Variants in CLVS1 observed in about 807,000 individuals in gnomAD.
The protein encoded by CLVS1 is clavesin-1.
In CLVS1, 10 loss-of-function variants were observed where a neutral mutation model predicts 33.1. The observed-to-expected ratio is 0.30, with a 90% CI of 0.19 to 0.51. CLVS1 has a LOEUF of 0.51. Among genes scored for constraint, CLVS1 ranks in the 20% least tolerant of loss-of-function variants. The probability of loss-of-function intolerance (pLI) is 0.97; values close to 1 mark genes in which losing one functional copy is unlikely to be tolerated. For synonymous variants in CLVS1, 163 were observed against 166.1 expected (o/e 0.98, Z 0.14); for missense variants, 343 against 433.4 (o/e 0.79, Z 1.85).
intron 2 of CLVS1, among the ~76,000 whole-genome samples, chr8:61,340,014 A>G (rs201954373): frequency 6.7e-6 from 1 of 150,286 alleles, no homozygotes; most frequent in South Asian, 2.1e-4. Context: ...AAGGAAGAAA[A>G]AGAAAGAAAG....
chr8:60,998,064 T>C, the CLVS1 span, among the ~76,000 whole-genome samples: 15 of 152,106 alleles, frequency 9.9e-5, no homozygotes, highest in Non-Finnish European at 2.2e-4. Flanking sequence ...GAGTTTGTGA[T>C]TTGCCCGTTG....
At chr8:61,236,028 G>T (rs1016113555) in intron 2 of CLVS1, among the ~76,000 whole-genome samples, 3 of 152,154 alleles carry the variant, frequency 2.0e-5, no homozygotes, top group South Asian at 2.1e-4. Context: ...TGCTGTGAGG[G>T]TCCTTTGTGA....
At chr8:61,315,990 G>C (rs1241216010) in intron 2 of CLVS1, among the ~76,000 whole-genome samples, 1 of 151,954 alleles carries the variant, frequency 6.6e-6, no homozygotes, top group Non-Finnish European at 1.5e-5. Flanking sequence ...TTGGTTTTCT[G>C]TTCCTATGTT....
chr8:60,971,445 G>GT, the CLVS1 span, among the ~76,000 whole-genome samples: 1 of 152,082 alleles, frequency 6.6e-6, no homozygotes, highest in South Asian at 2.1e-4. Context: ...CCACATCTTT[G>GT]TCCCCAAGGA....
intron 2 of CLVS1, among the ~76,000 whole-genome samples, chr8:61,174,883 G>C (rs1807084087): frequency 6.6e-6 from 1 of 152,136 alleles, no homozygotes; most frequent in Non-Finnish European, 1.5e-5. Flanking sequence ...ATTCTATAAG[G>C]GTAGAGTTTT....
Position 61,436,868 on chromosome 8 carries a change from G to A in CLVS1, c.631-17273G>A, listed in dbSNP as rs144199574. 7.2e-4 allele frequency among the ~76,000 whole-genome samples: 109 copies of A among 152,232 alleles called. 1 individual carries two copies. Among genetic ancestry groups the A allele is most frequent in the African/African-American group, 2.5e-3 (104 of 41,548 alleles). ...AATAGATAGATTAATAGGAGAAAAG[G>A]CATACAAATTTACTAACATGCATAA... On this transcript the variant is annotated intron_variant, in intron 3 of 5. Coordinates refer to ENST00000325897, the MANE Select transcript of CLVS1 (RefSeq NM_173519.3).
At chr8:61,159,792 G>A (rs1380796964) in intron 2 of CLVS1, among the ~76,000 whole-genome samples, 1 of 152,198 alleles carries the variant, frequency 6.6e-6, no homozygotes, top group Admixed American at 6.5e-5. Flanking sequence ...GCTTTGTCAT[G>A]TGTGTAACAG....
At chr8:61,453,684 C>T (rs887129822) in intron 3 of CLVS1, among the ~76,000 whole-genome samples, 4 of 152,154 alleles carry the variant, frequency 2.6e-5, no homozygotes, top group African/African-American at 9.7e-5. Flanking sequence ...CCAGCACTCA[C>T]TCACCCAGAA....
chr8:61,231,134 A>G (rs1284863744), intron 2 of CLVS1, among the ~76,000 whole-genome samples: 1 of 152,160 alleles, frequency 6.6e-6, no homozygotes, highest in Non-Finnish European at 1.5e-5. Context: ...CGACTCAGGG[A>G]GGCTGACTAT....
intron 2 of CLVS1, among the ~76,000 whole-genome samples, chr8:61,182,512 G>T (rs1807258843): frequency 6.6e-6 from 1 of 152,108 alleles, no homozygotes; most frequent in African/African-American, 2.4e-5. Context: ...CCATCCAAAA[G>T]TGGGCAAAGA....
At chr8:61,217,496 A>G (rs1808114149) in intron 2 of CLVS1, among the ~76,000 whole-genome samples, 1 of 152,198 alleles carries the variant, frequency 6.6e-6, no homozygotes, top group African/African-American at 2.4e-5. Context: ...AATATTGAAT[A>G]TATTAACCTC....
intron 2 of CLVS1, among the ~76,000 whole-genome samples, chr8:61,241,168 G>A (rs930891916): frequency 6.6e-6 from 1 of 151,954 alleles, no homozygotes; most frequent in African/African-American, 2.4e-5. Context: ...GCATTTTGGA[G>A]GTATACAAAC....
At chr8:61,316,480 GGGGAGGCAAATATCCTATT>G (rs1205407432) in intron 2 of CLVS1, among the ~76,000 whole-genome samples, 1 of 152,142 alleles carries the variant, frequency 6.6e-6, no homozygotes, top group Non-Finnish European at 1.5e-5. Flanking sequence ...GTGGCATACT[GGGGAGGCAAATATCCTATT>G]GGGATAGTAT....
At chr8:61,133,360 G>C (rs1806136379) in intron 2 of CLVS1, among the ~76,000 whole-genome samples, 1 of 152,128 alleles carries the variant, frequency 6.6e-6, no homozygotes, top group African/African-American at 2.4e-5. Context: ...TTGAAGAGTG[G>C]GTATAGAGTA....
rs559187080 is a variant in CLVS1, at chr8:61,348,841, A to G, written c.456-27764A>G. 3.9e-5 allele frequency among the ~76,000 whole-genome samples: 6 copies of G among 152,298 alleles called. No individual in the cohort carries two copies. In the East Asian group the frequency reaches 9.6e-4, roughly 24 times the overall value. On this transcript the variant is annotated intron_variant, in intron 2 of 5. Transcript: ENST00000325897. ...TGTACTAATGTACATTCTCACCAAC[A>G]GTATACAAGTGTTCCCTTTTCTCCA...
At chr8:61,290,849 T>C (rs1242473907) in intron 1 of CLVS1, among the ~76,000 whole-genome samples, 2 of 152,196 alleles carry the variant, frequency 1.3e-5, no homozygotes, top group Non-Finnish European at 2.9e-5. Context: ...TTCAACCTTC[T>C]CCCAAATATT....
chr8:61,459,521 T>A (rs1480155564), intron 5 of CLVS1, among the ~76,000 whole-genome samples: 1 of 142,572 alleles, frequency 7.0e-6, no homozygotes, highest in Non-Finnish European at 1.5e-5. Context: ...TCCCCCCAAG[T>A]CCCCAAAGTC....
chr8:61,021,517 A>ATTTTTTTTTTTTTTTTTT, the CLVS1 span, among the ~76,000 whole-genome samples: 1 of 141,736 alleles, frequency 7.1e-6, no homozygotes. Flanking sequence ...TGACTGGCTA[A>ATTTTTTTTTTTTTTTTTT]TTTTTTTTTT....
intron 2 of CLVS1, among the ~76,000 whole-genome samples, chr8:61,251,902 G>A (rs1392360440): frequency 2.0e-5 from 3 of 151,786 alleles, no homozygotes; most frequent in Non-Finnish European, 2.9e-5. Context: ...GTTTTTTTGT[G>A]TGTCTCTATC....
Sources: gnomAD v4.1 joint callset for allele counts (sites outside exome capture counted in the v4.1 genomes callset) on GRCh38, gnomAD v4.1.1 for gene constraint, MANE v1.5 for transcripts, NCBI Gene and HGNC (gene_info 2026-07-23, HGNC 2026-07-21) for gene names.